LRRC53: variants seen among roughly 807,000 people sequenced by gnomAD.
The protein encoded by LRRC53 is leucine-rich repeat-containing protein 53.
In LRRC53, 25 loss-of-function variants were observed where a neutral mutation model predicts 13.6. The observed-to-expected ratio is 1.83, with a 90% confidence interval of 1.34 to 2.56. The LOEUF (loss-of-function observed/expected upper bound fraction) is 2.56. Among genes scored for constraint, LRRC53 ranks in the 30% most tolerant of loss-of-function variants. The probability of loss-of-function intolerance (pLI) is 0.00; values close to 1 mark genes in which losing one functional copy is unlikely to be tolerated. For missense variants in LRRC53, 527 were observed against 275.8 expected (o/e 1.91, Z -6.45); for synonymous variants, 204 against 109.8 (o/e 1.86, Z -5.37).
At chr1:74,522,025 C>G in the LRRC53 span, among the ~76,000 whole-genome samples, 1 of 152,134 alleles carries the variant, frequency 6.6e-6, no homozygotes, top group Non-Finnish European at 1.5e-5. Flanking sequence ...ATATCAACAT[C>G]CCTTCCAGTG....
intron 1 of LRRC53, among the ~76,000 whole-genome samples, chr1:74,506,344 C>T (rs144487422): frequency 2.3e-4 from 35 of 152,272 alleles, no homozygotes; most frequent in African/African-American, 7.5e-4. Context: ...AACTGAAGCA[C>T]AGAAAGTATA....
chr1:74,504,068 TACCCAGACAG>T (rs1669768880), intron 1 of LRRC53, among the ~76,000 whole-genome samples: 1 of 152,200 alleles, frequency 6.6e-6, no homozygotes, highest in Non-Finnish European at 1.5e-5. Flanking sequence ...CCTAGGTGCA[TACCCAGACAG>T]CACTATAGTG....
chr1:74,475,157 C>G (rs1290927629), intron 4 of LRRC53, 138 bp downstream of exon 4: 19 of 551,868 alleles, frequency 3.4e-5, no homozygotes, highest in Non-Finnish European at 5.8e-5. Flanking sequence ...CACACACACA[C>G]AGTATTTTTA....
chr1:74,492,410 C>A (rs9729226), intron 1 of LRRC53: 1 of 1,129,936 alleles, frequency 8.9e-7, no homozygotes, highest in Admixed American at 3.6e-5. Flanking sequence ...ATTTTTCTTA[C>A]GTTATGACTA....
intron 1 of LRRC53, among the ~76,000 whole-genome samples, chr1:74,502,506 A>G (rs1292997697): frequency 6.6e-6 from 1 of 152,248 alleles, no homozygotes; most frequent in Non-Finnish European, 1.5e-5. Flanking sequence ...TTTTCATTAC[A>G]TCATGCTATC....
chr1:74,523,631 G>C, the LRRC53 span, among the ~76,000 whole-genome samples: 1 of 152,172 alleles, frequency 6.6e-6, no homozygotes, highest in African/African-American at 2.4e-5. Flanking sequence ...CAGAGGTTGA[G>C]CTCCTACTGT....
upstream of LRRC53, among the ~76,000 whole-genome samples, chr1:74,515,243 C>T (rs1363860055): frequency 1.3e-5 from 2 of 152,158 alleles, no homozygotes; most frequent in African/African-American, 4.8e-5. Flanking sequence ...GACATAACTT[C>T]ATAGAGCTTA....
chr1:74,525,823 C>T, the LRRC53 span, among the ~76,000 whole-genome samples: 1 of 152,110 alleles, frequency 6.6e-6, no homozygotes, highest in Non-Finnish European at 1.5e-5. Flanking sequence ...CTGGGTTGCC[C>T]CAGGATTCAA....
chr1:74,520,260 T>C, the LRRC53 span, among the ~76,000 whole-genome samples: 5 of 152,294 alleles, frequency 3.3e-5, no homozygotes, highest in Admixed American at 2.0e-4. Context: ...AAAAATTGAC[T>C]CAACTGGAAT....
chr1:74,504,327 C>A (rs957740312), intron 1 of LRRC53, among the ~76,000 whole-genome samples: 4 of 152,184 alleles, frequency 2.6e-5, no homozygotes, highest in Non-Finnish European at 5.9e-5. Flanking sequence ...CTAACGCCAT[C>A]TAGCAGTCAG....
chr1:74,475,268 G>A (rs1668136879), intron 4 of LRRC53, 27 bp downstream of exon 4: 1 of 625,072 alleles, frequency 1.6e-6, no homozygotes, highest in Admixed American at 2.9e-5. Flanking sequence ...AAACGGAGTG[G>A]GATTTTCTAA....
chr1:74,480,092 A>G, intron 3 of LRRC53, 61 bp downstream of exon 3: 1 of 655,526 alleles, frequency 1.5e-6, no homozygotes, highest in South Asian at 1.8e-5. Context: ...ATCACTTAGC[A>G]TGCTGCAAAA....
intron 1 of LRRC53, among the ~76,000 whole-genome samples, chr1:74,499,219 AC>A (rs1302350277): frequency 6.6e-6 from 1 of 152,116 alleles, no homozygotes; most frequent in African/African-American, 2.4e-5. Context: ...TGAACACTTT[AC>A]CTAGAATTTT....
At chr1:74,493,853 T>A (rs921565106) in intron 1 of LRRC53, among the ~76,000 whole-genome samples, 1 of 152,234 alleles carries the variant, frequency 6.6e-6, no homozygotes, top group Non-Finnish European at 1.5e-5. Flanking sequence ...AACATTCCAT[T>A]GGCAAGTTTC....
At chr1:74,511,297 A>T (rs1467219473) in intron 1 of LRRC53, among the ~76,000 whole-genome samples, 1 of 151,988 alleles carries the variant, frequency 6.6e-6, no homozygotes, top group African/African-American at 2.4e-5. Flanking sequence ...GGTTCAAGCA[A>T]TTCTCGTGCC....
the LRRC53 span, among the ~76,000 whole-genome samples, chr1:74,524,749 A>T: frequency 2.1e-4 from 32 of 151,460 alleles, no homozygotes; most frequent in African/African-American, 7.3e-4. Flanking sequence ...GCAACTTTTT[A>T]AAAAAGTAAA....
At chr1:74,500,938 T>C (rs1669593547) in intron 1 of LRRC53, among the ~76,000 whole-genome samples, 1 of 152,152 alleles carries the variant, frequency 6.6e-6, no homozygotes, top group Admixed American at 6.5e-5. Flanking sequence ...ATGTTGTGTA[T>C]AGATATAAAT....
In LRRC53 at chr1:74,470,169, A is replaced by AT. The variant is rs1667854331; in HGVS notation, c.3452dup (p.Asn1151LysfsTer2). On this transcript the variant is annotated frameshift_variant, in exon 5 of 5. Coordinates refer to ENST00000294635, the MANE Select transcript of LRRC53 (RefSeq NM_001382280.1). LOFTEE classifies it low-confidence loss of function (END_TRUNC). ...GATCTACTTCACTGCAAAGTATTCTATTTTGGGTTTCATGGGAACTTGTGA... is the reference window on the plus strand; with the variant it reads ...GATCTACTTCACTGCAAAGTATTCTATTTTTGGGTTTCATGGGAACTTGTGA... The AT allele has an allele frequency of 2.5e-6, 1 of 400,556 alleles. No homozygotes were observed. The highest frequency in any genetic ancestry group is 2.1e-5 in the African/African-American group (1 of 48,696). The allele number at this position is 400,556 out of a possible 1,614,324, so 24.8% of individuals were successfully genotyped here.
chr1:74,475,563 A>G lies in LRRC53; in HGVS notation c.1152T>C (p.His384=), dbSNP rs1668160018. 1.4e-6 allele frequency: 1 copy of G among 717,264 alleles called. No homozygotes were observed. The highest frequency in any genetic ancestry group is 1.7e-5 in the African/African-American group (1 of 57,200). The allele number at this position is 717,264 out of a possible 1,614,324, so 44.4% of individuals were successfully genotyped here. The part of the protein sequence containing the change: ...KEMPLLQENS[H]QATSASESAT... ...CAGACTCAGAGGCCGATGTTGCTTG[A>G]TGGCTATTTTCCTGTAAAAGTGGCA... The change falls in exon 4 of 5, where the codon CAT becomes CAC. Residue 384 remains histidine (H), a synonymous_variant. Transcript: ENST00000294635.
Sources: allele counts gnomAD v4.1 joint callset (sites outside exome capture counted in the v4.1 genomes callset), GRCh38; gene constraint gnomAD v4.1.1; transcripts MANE v1.5; gene names NCBI Gene and HGNC (gene_info 2026-07-23, HGNC 2026-07-21).